The following RANBP2 variants were observed in gnomAD, a reference collection of about 807,000 sequenced individuals.
The protein encoded by RANBP2 is RAN binding protein 2, also known as E3 SUMO-protein ligase RanBP2.
Under a neutral mutation model 303.6 loss-of-function variants are expected in RANBP2, and 57 were observed. The observed-to-expected ratio is 0.19, with a 90% confidence interval of 0.15 to 0.23. The LOEUF (loss-of-function observed/expected upper bound fraction) is 0.23. Ranked by LOEUF, RANBP2 falls within the 10% of genes least tolerant of loss-of-function variation. The pLI is 1.00. For missense variants in RANBP2, 3,138 were observed against 3,780.8 expected, an observed-to-expected ratio of 0.83 and a Z score of 4.46; for synonymous variants, 1,167 against 1,301.5, an observed-to-expected ratio of 0.90 and a Z score of 2.23.
At chr2:109,390,148 G>A in the RANBP2 span, among the ~76,000 whole-genome samples, 51 of 152,340 alleles carry the variant, frequency 3.3e-4, no homozygotes, top group African/African-American at 1.2e-3. Context: ...AGGGTCTGAG[G>A]TCTCTTCACT....
At chr2:108,839,569 A>G in the RANBP2 span, among the ~76,000 whole-genome samples, 1 of 152,118 alleles carries the variant, frequency 6.6e-6, no homozygotes, top group South Asian at 2.1e-4. Context: ...AGTGTTGCAT[A>G]GTTTTCAGCA....
At chr2:109,197,782 C>G in the RANBP2 span, among the ~76,000 whole-genome samples, 5 of 152,228 alleles carry the variant, frequency 3.3e-5, no homozygotes, top group East Asian at 7.7e-4. Flanking sequence ...CTGAGGAAGC[C>G]TGGCATGAAA....
the RANBP2 span, among the ~76,000 whole-genome samples, chr2:109,100,555 G>A: frequency 6.6e-6 from 1 of 152,054 alleles, no homozygotes; most frequent in Admixed American, 6.6e-5. Flanking sequence ...AGGAAACAGG[G>A]GCTCTACCCC....
intron 23 of RANBP2, 75 bp downstream of exon 23, chr2:108,773,121 A>G: frequency 7.0e-7 from 1 of 1,437,958 alleles, no homozygotes; most frequent in African/African-American, 1.4e-5. Context: ...GAATGTTCTT[A>G]TTTATTTATT....
chr2:109,598,098 C>T, the RANBP2 span, among the ~76,000 whole-genome samples: 2 of 151,970 alleles, frequency 1.3e-5, no homozygotes, highest in Non-Finnish European at 2.9e-5. Flanking sequence ...GTCTTGCTCT[C>T]GTTGCCCAGG....
chr2:108,775,650 A>G (rs1025795975), intron 23 of RANBP2, 82 bp from the exon 24 acceptor site: 25 of 1,477,190 alleles, frequency 1.7e-5, no homozygotes, highest in African/African-American at 4.2e-5. Flanking sequence ...CAAGTTCTCA[A>G]TTCCCTTTGA....
chr2:109,066,901 A>G, the RANBP2 span, among the ~76,000 whole-genome samples: 1 of 152,176 alleles, frequency 6.6e-6, no homozygotes, highest in Admixed American at 6.5e-5. Flanking sequence ...TGAGGCTGAG[A>G]GATGTCCAGG....
At chr2:108,931,039 G>T in the RANBP2 span, 1 of 1,613,776 alleles carries the variant, frequency 6.2e-7, no homozygotes. Context: ...TCACCTGAAA[G>T]ACATGCGTCA....
At chr2:109,115,615 A>G in the RANBP2 span, among the ~76,000 whole-genome samples, 9 of 152,220 alleles carry the variant, frequency 5.9e-5, no homozygotes, top group Admixed American at 5.2e-4. Flanking sequence ...TAATTGGAGC[A>G]TTTAGTCCAT....
the RANBP2 span, among the ~76,000 whole-genome samples, chr2:109,377,599 G>GA: frequency 6.6e-6 from 1 of 152,076 alleles, no homozygotes; most frequent in Non-Finnish European, 1.5e-5. Flanking sequence ...ATAGATCCTG[G>GA]AAAAAATAAT....
At chr2:109,142,298 G>T in the RANBP2 span, among the ~76,000 whole-genome samples, 3 of 152,168 alleles carry the variant, frequency 2.0e-5, no homozygotes, top group African/African-American at 7.2e-5. Context: ...AGGAATAGGT[G>T]TTTACAGTCT....
chr2:109,362,795 AATTGACCCCTTCGTCATTATGTAAT>A, the RANBP2 span, among the ~76,000 whole-genome samples: 11 of 152,128 alleles, frequency 7.2e-5, no homozygotes, highest in Non-Finnish European at 1.5e-4. Context: ...CTTCTTGGGG[AATTGACCCCTTCGTCATTATGTAAT>A]GCCCCTATTT....
the RANBP2 span, among the ~76,000 whole-genome samples, chr2:109,317,969 G>A: frequency 6.6e-6 from 1 of 152,058 alleles, no homozygotes; most frequent in African/African-American, 2.4e-5. Flanking sequence ...GATGGATTCT[G>A]TGGCAAAGGC....
chr2:109,718,705 C>T, the RANBP2 span, among the ~76,000 whole-genome samples: 5 of 152,022 alleles, frequency 3.3e-5, no homozygotes, highest in Non-Finnish European at 7.4e-5. Context: ...TACGGCCAGG[C>T]GCAGTGGCTC....
At chr2:109,656,702 C>T in the RANBP2 span, among the ~76,000 whole-genome samples, 2 of 152,206 alleles carry the variant, frequency 1.3e-5, no homozygotes, top group African/African-American at 2.4e-5. Flanking sequence ...ACGATTATGT[C>T]TGAAATGTAT....
the RANBP2 span, among the ~76,000 whole-genome samples, chr2:109,286,942 C>A: frequency 3.9e-5 from 6 of 152,306 alleles, no homozygotes; most frequent in African/African-American, 1.4e-4. Flanking sequence ...CATTTGTGGA[C>A]CCTGCCCAGG....
At chr2:109,670,473 G>A in the RANBP2 span, among the ~76,000 whole-genome samples, 6 of 151,928 alleles carry the variant, frequency 3.9e-5, no homozygotes, top group Non-Finnish European at 7.4e-5. Context: ...CGAGGCAGAT[G>A]TTGGGCTGGG....
At chr2:108,794,511 TTA>T in the RANBP2 span, 8 of 1,567,616 alleles carry the variant, frequency 5.1e-6, no homozygotes, top group Admixed American at 1.5e-4. Flanking sequence ...TTAATAAAGT[TTA>T]TAATGCAAAT....
chr2:109,613,326 T>TG, the RANBP2 span: 1 of 401,484 alleles, frequency 2.5e-6, no homozygotes, highest in Non-Finnish European at 4.4e-6. Context: ...GAGGAAAACT[T>TG]GGACGACCAC....
Sources: gnomAD v4.1 joint callset for allele counts (sites outside exome capture counted in the v4.1 genomes callset) on GRCh38, gnomAD v4.1.1 for gene constraint, MANE v1.5 for transcripts, NCBI Gene and HGNC (gene_info 2026-07-23, HGNC 2026-07-21) for gene names.